Variants in PSD3 observed in about 807,000 individuals in gnomAD.
PSD3 encodes the protein PH and SEC7 domain-containing protein 3.
Under a neutral mutation model 105.5 loss-of-function variants are expected in PSD3, and 49 were observed. The observed-to-expected ratio is 0.46, with a 90% confidence interval of 0.37 to 0.59. The LOEUF is 0.59. Ranked by LOEUF, PSD3 falls within the 20% of genes least tolerant of loss-of-function variation. PSD3 has a pLI of 0.00. For missense variants in PSD3, 1,561 were observed against 1,263.8 expected (o/e 1.24, Z -3.57); for synonymous variants, 557 against 457.8 (o/e 1.22, Z -2.77).
At chr8:18,819,534 C>A (rs906725145) in intron 4 of PSD3, among the ~76,000 whole-genome samples, 10 of 149,358 alleles carry the variant, frequency 6.7e-5, no homozygotes, top group African/African-American at 2.5e-4. Context: ...AGTTCCTAGA[C>A]ACATTTTTTA....
chr8:18,863,024 G>A (rs944389117), intron 4 of PSD3, among the ~76,000 whole-genome samples: 1 of 152,076 alleles, frequency 6.6e-6, no homozygotes, highest in Non-Finnish European at 1.5e-5. Context: ...TTAGTATCCC[G>A]AGCAAGATCT....
At chr8:18,778,300 T>G (rs775114003) in intron 8 of PSD3, among the ~76,000 whole-genome samples, 11 of 152,210 alleles carry the variant, frequency 7.2e-5, no homozygotes, top group Non-Finnish European at 1.2e-4. Context: ...CACTGCTGAG[T>G]TGTGTACACT....
intron 8 of PSD3, chr8:18,774,620 C>A: frequency 2.7e-6 from 1 of 373,366 alleles, no homozygotes; most frequent in Non-Finnish European, 5.2e-6. Flanking sequence ...TCTTCAGGTT[C>A]TCCCTATGCT....
chr8:18,689,707 C>T (rs1800866362), intron 9 of PSD3, among the ~76,000 whole-genome samples: 1 of 152,180 alleles, frequency 6.6e-6, no homozygotes, highest in African/African-American at 2.4e-5. Context: ...TTGGGAGTGA[C>T]AGGGCAGGGG....
chr8:18,839,083 C>T (rs1310716382), intron 4 of PSD3, among the ~76,000 whole-genome samples: 1 of 151,870 alleles, frequency 6.6e-6, no homozygotes, highest in South Asian at 2.1e-4. Context: ...AAAGCTCCAA[C>T]ACTACTTCCT....
chr8:18,646,016 T>C (rs1324479050), intron 10 of PSD3, among the ~76,000 whole-genome samples: 1 of 152,180 alleles, frequency 6.6e-6, no homozygotes, highest in African/African-American at 2.4e-5. Context: ...TCCAGCTTAA[T>C]ATTTTACCAA....
chr8:18,714,906 T>C (rs546285303), intron 9 of PSD3, among the ~76,000 whole-genome samples: 2 of 152,196 alleles, frequency 1.3e-5, no homozygotes, highest in African/African-American at 4.8e-5. Context: ...ATAGACTGCA[T>C]ACAGAAAACG....
chr8:18,634,489 A>G (rs1303932633), intron 10 of PSD3, among the ~76,000 whole-genome samples: 1 of 152,088 alleles, frequency 6.6e-6, no homozygotes, highest in African/African-American at 2.4e-5. Context: ...ACAATGAATT[A>G]AACTCGGCTT....
chr8:18,551,968 A>C (rs1017631004), intron 15 of PSD3, among the ~76,000 whole-genome samples: 3 of 152,236 alleles, frequency 2.0e-5, no homozygotes, highest in Non-Finnish European at 4.4e-5. Context: ...GTAGAAAGTT[A>C]TCAGATGTGA....
intron 1 of PSD3, among the ~76,000 whole-genome samples, chr8:19,004,336 TAA>T (rs2129474690): frequency 6.6e-6 from 1 of 152,144 alleles, no homozygotes; most frequent in Admixed American, 6.5e-5. Flanking sequence ...ACCAGATATT[TAA>T]AAAACAATAT....
At chr8:18,789,901 C>A (rs1041930992) in intron 8 of PSD3, among the ~76,000 whole-genome samples, 1 of 152,080 alleles carries the variant, frequency 6.6e-6, no homozygotes, top group Non-Finnish European at 1.5e-5. Flanking sequence ...CAGAACTGTG[C>A]CAATGTAAAA....
intron 1 of PSD3, among the ~76,000 whole-genome samples, chr8:18,950,356 G>T (rs946816287): frequency 3.3e-5 from 5 of 152,132 alleles, no homozygotes; most frequent in Middle Eastern, 3.4e-3. Context: ...TTTGTATTTT[G>T]TGGTAGCAAC....
At chr8:18,933,522 C>T (rs1021905589) in intron 2 of PSD3, among the ~76,000 whole-genome samples, 2 of 152,178 alleles carry the variant, frequency 1.3e-5, no homozygotes, top group Non-Finnish European at 2.9e-5. Flanking sequence ...GGCTGAAGTG[C>T]AGTGGCATGA....
chr8:18,587,422 A>AT lies in PSD3; in HGVS notation c.2482-12138dup, dbSNP rs34139737. Among the ~76,000 whole-genome samples, 30 of 151,968 alleles carry AT rather than the reference A, an allele frequency of 2.0e-4. 1 individual carries two copies. In the East Asian group the frequency reaches 5.1e-3, roughly 26 times the overall value. ...TGATACCTTCATCATTTGAAACATAATTTTTTTCATCATCTTTCTACTGCT... is the reference window on the plus strand; with the variant it reads ...TGATACCTTCATCATTTGAAACATAATTTTTTTTCATCATCTTTCTACTGCT... On this transcript the variant is annotated intron_variant, in intron 12 of 15. Coordinates refer to ENST00000327040, the MANE Select transcript of PSD3 (RefSeq NM_015310.4).
Position 18,556,538 on chromosome 8 carries a change from C to T in PSD3, c.2785-186G>A, listed in dbSNP as rs182492564. 1.8e-3 allele frequency among the ~76,000 whole-genome samples: 271 copies of T among 152,300 alleles called. 1 individual carries two copies. The highest frequency in any genetic ancestry group is 6.3e-3 in the African/African-American group (261 of 41,562). On this transcript the variant is annotated intron_variant, in intron 14 of 15. Coordinates refer to ENST00000327040, the MANE Select transcript of PSD3 (RefSeq NM_015310.4). ...TCCACATATTTCATATATTCCTTCC[C>T]GGGATGGCAATCAAGGCCAACCTCT...
At chr8:18,672,130 T>C (rs1799819900) in intron 9 of PSD3, among the ~76,000 whole-genome samples, 1 of 152,136 alleles carries the variant, frequency 6.6e-6, no homozygotes, top group Admixed American at 6.5e-5. Flanking sequence ...TGTTGGAAAG[T>C]AGCAAGCATG....
At chr8:18,856,696 C>G (rs372044645) in intron 4 of PSD3, among the ~76,000 whole-genome samples, 4 of 152,124 alleles carry the variant, frequency 2.6e-5, no homozygotes, top group African/African-American at 9.7e-5. Flanking sequence ...ATAAAAGAAA[C>G]TATCATTAAA....
rs10669321 is a variant in PSD3 at position 19,026,701 on chromosome 8, C to CAAAAAAA, written c.324+57498_324+57504dup. Among the ~76,000 whole-genome samples the CAAAAAAA allele has an allele frequency of 3.9e-4, 32 of 82,210 alleles. 2 individuals carry two copies. Among genetic ancestry groups the CAAAAAAA allele is most frequent in the East Asian group, 1.2e-3 (3 of 2,412 alleles). 53.9% of individuals were successfully genotyped at this position (82,210 alleles called of 152,430 possible). On this transcript the variant is annotated intron_variant, in intron 1 of 1. Coordinates refer to the PSD3 transcript ENST00000521475. ...GCAACATAGCAAGACCACATCTCTA[C>CAAAAAAA]AAAAAAAAAAAAAAAAAAAAAAATG...
chr8:18,802,078 T>C (rs1810746890), intron 6 of PSD3, among the ~76,000 whole-genome samples: 1 of 152,230 alleles, frequency 6.6e-6, no homozygotes, highest in Non-Finnish European at 1.5e-5. Flanking sequence ...TCATCTCTAT[T>C]AAAGCCACTA....
Sources: gnomAD v4.1 joint callset for allele counts (sites outside exome capture counted in the v4.1 genomes callset) on GRCh38, gnomAD v4.1.1 for gene constraint, MANE v1.5 for transcripts, NCBI Gene and HGNC (gene_info 2026-07-23, HGNC 2026-07-21) for gene names.